SAMD5: variants seen among roughly 807,000 people sequenced by gnomAD.
SAMD5 encodes the protein sterile alpha motif domain containing 5.
Under a neutral mutation model 11.3 loss-of-function variants are expected in SAMD5, and 13 were observed. The observed-to-expected ratio is 1.15, with a 90% CI of 0.75 to 1.83. The LOEUF is 1.83. SAMD5 is among the 40% of genes most tolerant of loss of function. The pLI is 0.00. For missense variants in SAMD5, 255 were observed against 239.1 expected, an observed-to-expected ratio of 1.07 and a Z score of -0.44; for synonymous variants, 129 against 111.3, an observed-to-expected ratio of 1.16 and a Z score of -1.00.
At chr6:147,688,517 C>A (rs1336408687) in intron 1 of SAMD5, among the ~76,000 whole-genome samples, 1 of 152,198 alleles carries the variant, frequency 6.6e-6, no homozygotes, top group Non-Finnish European at 1.5e-5. Context: ...GAATGCTGGT[C>A]TATTTCTAGT....
At chr6:147,670,133 A>G (rs549495076) in intron 1 of SAMD5, among the ~76,000 whole-genome samples, 21 of 152,350 alleles carry the variant, frequency 1.4e-4, no homozygotes, top group African/African-American at 4.8e-4. Flanking sequence ...TTGGATGACC[A>G]GGTGCATTGT....
At chr6:147,906,358 C>T in the SAMD5 span, among the ~76,000 whole-genome samples, 4 of 152,198 alleles carry the variant, frequency 2.6e-5, no homozygotes, top group Non-Finnish European at 5.9e-5. Context: ...ACTGGGCTTA[C>T]ATTCTTCACG....
At chr6:147,632,428 G>T (rs1033632872) in intron 1 of SAMD5, among the ~76,000 whole-genome samples, 2 of 152,172 alleles carry the variant, frequency 1.3e-5, no homozygotes, top group Non-Finnish European at 2.9e-5. Flanking sequence ...AGTTCGGCTT[G>T]CTGAGAGGTA....
chr6:147,665,368 A>G (rs1472312693), intron 1 of SAMD5, among the ~76,000 whole-genome samples: 1 of 152,234 alleles, frequency 6.6e-6, no homozygotes, highest in Non-Finnish European at 1.5e-5. Context: ...TTATGTCTAC[A>G]TGGTATGATG....
At chr6:147,898,398 A>G in the SAMD5 span, among the ~76,000 whole-genome samples, 2 of 152,186 alleles carry the variant, frequency 1.3e-5, no homozygotes, top group Non-Finnish European at 2.9e-5. Context: ...TCACTTATTT[A>G]TCTCCCTCTA....
At chr6:147,818,667 C>T in the SAMD5 span, among the ~76,000 whole-genome samples, 8 of 152,128 alleles carry the variant, frequency 5.3e-5, no homozygotes, top group Non-Finnish European at 1.0e-4. Context: ...TTGTGCTAAA[C>T]ACGTGTGTAT....
At chr6:147,950,534 G>A in the SAMD5 span, among the ~76,000 whole-genome samples, 1 of 152,120 alleles carries the variant, frequency 6.6e-6, no homozygotes, top group South Asian at 2.1e-4. Flanking sequence ...GCCCCGACCT[G>A]GTATGACCAC....
chr6:147,936,436 C>T, the SAMD5 span, among the ~76,000 whole-genome samples: 9 of 134,486 alleles, frequency 6.7e-5, no homozygotes, highest in East Asian at 6.6e-4. Flanking sequence ...GCAGGAGTGG[C>T]GAGGGGCAGT....
intron 1 of SAMD5, among the ~76,000 whole-genome samples, chr6:147,695,180 C>T (rs1791157680): frequency 6.6e-6 from 1 of 152,156 alleles, no homozygotes; most frequent in African/African-American, 2.4e-5. Context: ...TGTTACATTT[C>T]TCTTTCTTGG....
At chr6:147,574,335 A>G (rs536338869), downstream of SAMD5, among the ~76,000 whole-genome samples, 36 of 152,314 alleles carry the variant, frequency 2.4e-4, no homozygotes, top group Non-Finnish European at 4.7e-4. Context: ...TAATTTACCC[A>G]ATGTAACACA....
chr6:147,583,599 G>A (rs1312521209), intron 1 of SAMD5, among the ~76,000 whole-genome samples: 6 of 152,086 alleles, frequency 3.9e-5, no homozygotes, highest in African/African-American at 1.4e-4. Context: ...AAATTACATA[G>A]ATAACTACTT....
chr6:147,643,481 G>A (rs189948556), intron 1 of SAMD5, among the ~76,000 whole-genome samples: 8 of 152,168 alleles, frequency 5.3e-5, no homozygotes, highest in African/African-American at 1.4e-4. Flanking sequence ...AAAAGTGGCC[G>A]CCTGGTCTGA....
chr6:147,544,061 C>G (rs149494736), intron 1 of SAMD5, among the ~76,000 whole-genome samples: 152 of 152,238 alleles, frequency 1.0e-3, no homozygotes, highest in African/African-American at 3.3e-3. Context: ...GGTGGCATAA[C>G]ATTTTTATAA....
the SAMD5 span, among the ~76,000 whole-genome samples, chr6:147,953,149 C>T: frequency 6.6e-6 from 1 of 152,096 alleles, no homozygotes; most frequent in Non-Finnish European, 1.5e-5. Flanking sequence ...TTTACTTTGT[C>T]AATAATCCTT....
At position 147,590,407 on chromosome 6, in the gene SAMD5, C is replaced by A. The variant is rs151216502; in HGVS notation, c.162+81020C>A. On this transcript the variant is annotated intron_variant, in intron 1 of 1. Coordinates refer to the SAMD5 transcript ENST00000566741. ...TTAGCTCATTGTATGCCCTCAGTAA[C>A]GGTTATTTGTTTGTTTGTTTTTTGA... 1.9e-3 allele frequency among the ~76,000 whole-genome samples: 296 copies of A among 152,176 alleles called. 2 individuals carry two copies. The highest frequency in any genetic ancestry group is 6.8e-3 in the African/African-American group (281 of 41,538).
At chr6:147,838,000 G>A in the SAMD5 span, among the ~76,000 whole-genome samples, 1 of 151,950 alleles carries the variant, frequency 6.6e-6, no homozygotes, top group Non-Finnish European at 1.5e-5. Flanking sequence ...CCGCCCTCAA[G>A]ATGCTCAGGG....
At chr6:147,786,467 T>C in the SAMD5 span, among the ~76,000 whole-genome samples, 59,389 of 152,076 alleles carry the variant, frequency 0.39, 12,547 homozygotes, top group African/African-American at 0.57. Context: ...TACTCCCTTG[T>C]GGTAAAGTTA....
chr6:147,921,900 AAAACAATACAAAGTT>A, the SAMD5 span, among the ~76,000 whole-genome samples: 1 of 152,230 alleles, frequency 6.6e-6, no homozygotes, highest in Non-Finnish European at 1.5e-5. Flanking sequence ...CATTATGGGA[AAAACAATACAAAGTT>A]AAACAACACA....
intron 1 of SAMD5, among the ~76,000 whole-genome samples, chr6:147,728,326 G>A (rs1450136314): frequency 6.6e-6 from 1 of 152,158 alleles, no homozygotes; most frequent in African/African-American, 2.4e-5. Flanking sequence ...GCTGAGGCAC[G>A]AGAATTGCTT....
Sources: allele counts gnomAD v4.1 joint callset (sites outside exome capture counted in the v4.1 genomes callset), GRCh38; gene constraint gnomAD v4.1.1; transcripts MANE v1.5; gene names NCBI Gene and HGNC (gene_info 2026-07-23, HGNC 2026-07-21).